Variants in USP32 observed in about 807,000 individuals in gnomAD.
USP32 encodes the protein ubiquitin specific peptidase 32, also known as ubiquitin carboxyl-terminal hydrolase 32.
Under a neutral mutation model 204.8 loss-of-function variants are expected in USP32, and 59 were observed. That is an observed-to-expected ratio of 0.29 (90% CI 0.23 to 0.36). The LOEUF (loss-of-function observed/expected upper bound fraction) is 0.36. Among genes scored for constraint, USP32 ranks in the 10% least tolerant of loss-of-function variants. The pLI is 1.00. For synonymous variants in USP32, 517 were observed against 678.4 expected, an observed-to-expected ratio of 0.76 and a Z score of 3.70; for missense variants, 1,160 against 1,946.4, an observed-to-expected ratio of 0.60 and a Z score of 7.60.
At chr17:60,218,219 T>C (rs1055573084) in intron 16 of USP32, among the ~76,000 whole-genome samples, 10 of 151,792 alleles carry the variant, frequency 6.6e-5, no homozygotes, top group African/African-American at 2.4e-4. Context: ...CCCGTCTCTA[T>C]TAAAAATGCA....
At chr17:60,419,119 G>C (rs2090085066) in intron 1 of USP32, among the ~76,000 whole-genome samples, 1 of 152,062 alleles carries the variant, frequency 6.6e-6, no homozygotes, top group Non-Finnish European at 1.5e-5. Context: ...CAACCTAAAT[G>C]CCCATCAATG....
intron 2 of USP32, among the ~76,000 whole-genome samples, chr17:60,333,903 T>C (rs73993267): frequency 4.9e-4 from 75 of 152,348 alleles, no homozygotes; most frequent in African/African-American, 1.7e-3. Context: ...ATTCAATTTT[T>C]TCCTATAATG....
chr17:60,287,477 G>A (rs969345747), intron 5 of USP32, among the ~76,000 whole-genome samples: 2 of 152,052 alleles, frequency 1.3e-5, no homozygotes, highest in African/African-American at 4.8e-5. Context: ...GTTGGGCTTT[G>A]AGCATTTACC....
At chr17:60,419,124 T>C (rs989370254) in intron 1 of USP32, among the ~76,000 whole-genome samples, 2 of 152,120 alleles carry the variant, frequency 1.3e-5, no homozygotes, top group African/African-American at 4.8e-5. Context: ...TAAATGCCCA[T>C]CAATGGTAGA....
chr17:60,222,637 C>A, intron 14 of USP32, 88 bp from the exon 15 acceptor site: 157 of 1,006,096 alleles, frequency 1.6e-4, no homozygotes, highest in Middle Eastern at 3.5e-4. Context: ...AAAACAAACT[C>A]ATATATCACC....
At chr17:60,264,651 G>A (rs2086540620) in intron 9 of USP32, among the ~76,000 whole-genome samples, 1 of 151,974 alleles carries the variant, frequency 6.6e-6, no homozygotes, top group South Asian at 2.1e-4. Context: ...GAGGCCAGGG[G>A]TTTGAGATCA....
chr17:60,412,425 A>G (rs976733241), intron 1 of USP32, among the ~76,000 whole-genome samples: 2 of 151,140 alleles, frequency 1.3e-5, no homozygotes, highest in African/African-American at 4.9e-5. Flanking sequence ...GGGGCGGGGG[A>G]GCAGGTGGCT....
intron 1 of USP32, chr17:60,422,198 G>A (rs1014899877): frequency 8.5e-5 from 25 of 293,760 alleles, no homozygotes; most frequent in African/African-American, 5.4e-4. Flanking sequence ...GCGTAACCCA[G>A]CAGGCAGGAA....
chr17:60,275,914 T>TAA (rs763663202), intron 5 of USP32, among the ~76,000 whole-genome samples: 1,551 of 139,516 alleles, frequency 0.011, 37 homozygotes, highest in African/African-American at 0.039. Flanking sequence ...TGTCTCTATT[T>TAA]AAAAAAAAAA....
In USP32 at chr17:60,291,281, TTA is replaced by T. The variant is rs546951308; in HGVS notation, c.412-2601_412-2600del. On this transcript the variant is annotated intron_variant, in intron 4 of 33. Coordinates refer to ENST00000300896, the MANE Select transcript of USP32 (RefSeq NM_032582.4). ...AAATTATACAGTCAAATCTGATTTT[TTA>T]TGTTTCTGAGTCATGGATCTCTTCT... 5.9e-5 allele frequency among the ~76,000 whole-genome samples: 9 copies of T among 152,346 alleles called. No individual in the cohort carries two copies. The South Asian group carries it at 1.9e-3, about 32-fold the overall frequency.
chr17:60,357,379 G>A (rs1048430357), intron 1 of USP32, among the ~76,000 whole-genome samples: 1 of 152,164 alleles, frequency 6.6e-6, no homozygotes, highest in Non-Finnish European at 1.5e-5. Context: ...CTTGAGCCCA[G>A]GAGTTGGAGG....
chr17:60,255,063 T>TA (rs1404283062), intron 10 of USP32, 112 bp downstream of exon 10: 8 of 614,212 alleles, frequency 1.3e-5, no homozygotes, highest in East Asian at 3.1e-5. Context: ...TTTTTTTTTT[T>TA]AATATATGGT....
chr17:60,405,322 C>T (rs1035948710), intron 1 of USP32, among the ~76,000 whole-genome samples: 2 of 152,104 alleles, frequency 1.3e-5, no homozygotes, highest in African/African-American at 4.8e-5. Context: ...CCTGTCTCAG[C>T]CTCCCAAGTA....
intron 2 of USP32, among the ~76,000 whole-genome samples, chr17:60,310,098 G>A (rs964375170): frequency 3.3e-5 from 5 of 152,116 alleles, no homozygotes; most frequent in African/African-American, 1.2e-4. Context: ...AAATGCTGGT[G>A]AGGATGTGGA....
intron 2 of USP32, among the ~76,000 whole-genome samples, chr17:60,317,543 T>C (rs2088013012): frequency 6.9e-6 from 1 of 144,562 alleles, no homozygotes; most frequent in African/African-American, 2.6e-5. Context: ...GTTAAAATGG[T>C]TAATTTTATG....
At chr17:60,401,726 G>GAAAAAAAAAAA in intron 1 of USP32, among the ~76,000 whole-genome samples, 1 of 124,938 alleles carries the variant, frequency 8.0e-6, no homozygotes, top group Admixed American at 8.2e-5. Context: ...ATAAAAAAAA[G>GAAAAAAAAAAA]AAAAAAAAAA....
intron 1 of USP32, among the ~76,000 whole-genome samples, chr17:60,411,272 C>T (rs182578559): frequency 6.6e-6 from 1 of 150,956 alleles, no homozygotes. Flanking sequence ...TGCGGTGAGC[C>T]GAGATTGCCC....
At chr17:60,203,470 T>C (rs35401208) in intron 26 of USP32, among the ~76,000 whole-genome samples, 1 of 151,666 alleles carries the variant, frequency 6.6e-6, no homozygotes, top group Non-Finnish European at 1.5e-5. Context: ...TAATTTGTTA[T>C]AACAGTCCTA....
Position 60,325,761 on chromosome 17 carries a change from T to TA in USP32, c.186+19719dup, listed in dbSNP as rs200488928. ...GGGCAACACAGCAAAACCCTGTCTC[T>TA]ACAAAAAAATACAAAAATTAGCCAG... On this transcript the variant is annotated intron_variant, in intron 2 of 33. Transcript: ENST00000300896. 9.4e-3 allele frequency among the ~76,000 whole-genome samples: 1,435 copies of TA among 151,856 alleles called. 31 individuals carry two copies. The highest frequency in any genetic ancestry group is 0.033 in the African/African-American group (1,381 of 41,416).
Sources: allele counts gnomAD v4.1 joint callset (sites outside exome capture counted in the v4.1 genomes callset), GRCh38; gene constraint gnomAD v4.1.1; transcripts MANE v1.5; gene names NCBI Gene and HGNC (gene_info 2026-07-23, HGNC 2026-07-21).